Variants in ATXN3 observed in about 807,000 individuals in gnomAD.
ATXN3 encodes the protein ataxin-3.
A neutral mutation model predicts 58.2 loss-of-function variants in ATXN3; 28 were observed. That is an observed-to-expected ratio of 0.48 (90% confidence interval 0.36 to 0.66). ATXN3 has a LOEUF of 0.66. Among genes scored for constraint, ATXN3 ranks in the 30% least tolerant of loss-of-function variants. The pLI is 0.00. For synonymous variants in ATXN3, 113 were observed against 138.5 expected (o/e 0.82, Z 1.29); for missense variants, 321 against 422.1 (o/e 0.76, Z 2.10).
intron 3 of ATXN3, 72 bp downstream of exon 3, chr14:92,096,021 G>A (rs2065147304): frequency 8.2e-7 from 1 of 1,222,156 alleles, no homozygotes; most frequent in East Asian, 2.3e-5. Flanking sequence ...CCTTGTTACA[G>A]TGACTATTGA....
Position 92,060,708 on chromosome 14 carries a change from A to G in ATXN3, c.*3612T>C, listed in dbSNP as rs193285351. The G allele has an allele frequency of 6.6e-6, 1 of 150,950 alleles. No homozygotes were observed. The highest frequency in any genetic ancestry group is 1.5e-5 in the Non-Finnish European group (1 of 67,926). 9.4% of individuals were successfully genotyped at this position (150,950 alleles called of 1,614,324 possible). On this transcript the variant is annotated 3_prime_UTR_variant, in exon 11 of 11. Transcript: ENST00000644486. Reference sequence around the variant, plus strand: ...CAGGTCCAATGGGCCGGTTTTAAGAATTTAGTAGCTCTTGGCACTAGCATG... The same window carrying G: ...CAGGTCCAATGGGCCGGTTTTAAGAGTTTAGTAGCTCTTGGCACTAGCATG...
chr14:92,066,452 T>C (rs973730769), intron 10 of ATXN3, among the ~76,000 whole-genome samples: 2 of 139,896 alleles, frequency 1.4e-5, no homozygotes, highest in African/African-American at 2.8e-5. Flanking sequence ...GTTCCAAAAT[T>C]ACTTCTTTTA....
chr14:92,065,027 T>C (rs764014420), intron 10 of ATXN3, among the ~76,000 whole-genome samples: 1 of 152,234 alleles, frequency 6.6e-6, no homozygotes, highest in Admixed American at 6.5e-5. Context: ...CGTGTATTCA[T>C]GTAACCACCA....
rs2057708221 is a variant in ATXN3, at chr14:92,060,581, T to C, written c.*3739A>G. 1 of 152,018 alleles carries C rather than the reference T, an allele frequency of 6.6e-6. No homozygotes were observed. Among genetic ancestry groups the C allele is most frequent in the Non-Finnish European group, 1.5e-5 (1 of 68,012 alleles). 9.4% of individuals were successfully genotyped at this position (152,018 alleles called of 1,614,324 possible). A position where few individuals can be genotyped will look rare whatever the true frequency, so the allele number is the denominator to read the frequency against. The stretch of plus-strand genomic sequence containing the variant: ...GCCGGGAGATCATCAATATTAACTA[T>C]TGAATCCTCGTAAGAATTTAAAACA... On this transcript the variant is annotated 3_prime_UTR_variant, in exon 11 of 11. Transcript: ENST00000644486.
rs1354597980 is a variant in ATXN3 at position 92,064,425 on chromosome 14, A to T, written c.992-11T>A. On this transcript the variant is annotated splice_polypyrimidine_tract_variant and intron_variant, in intron 10 of 10. Transcript: ENST00000644486. ...CACTCATAGCATCACCTGTTGGGAA[A>T]CAAAACCACATTTCTTTAAAATTTC... 6.3e-7 allele frequency: 1 copy of T among 1,578,288 alleles called. No individual in the cohort carries two copies. Among genetic ancestry groups the T allele is most frequent in the South Asian group, 1.2e-5 (1 of 85,864 alleles).
In ATXN3 at chr14:92,081,076, C is replaced by A. The variant is rs543752947; in HGVS notation, c.776-15G>T. On this transcript the variant is annotated splice_polypyrimidine_tract_variant and intron_variant, in intron 8 of 10. Coordinates refer to ENST00000644486, the MANE Select transcript of ATXN3 (RefSeq NM_004993.6). ...TCTGGAACTACCTGAAAACAAAACA[C>A]AACACAACAAAAACCAATCACTGTA... 5.3e-6 allele frequency: 8 copies of A among 1,523,640 alleles called. No individual in the cohort carries two copies. In the South Asian group the frequency reaches 9.0e-5, roughly 17 times the overall value. The allele number at this position is 1,523,640 out of a possible 1,614,324, so 94.4% of individuals were successfully genotyped here. A position where few individuals can be genotyped will look rare whatever the true frequency, so the allele number is the denominator to read the frequency against.
At chr14:92,088,292 G>A (rs1595837697) in intron 6 of ATXN3, among the ~76,000 whole-genome samples, 1 of 152,010 alleles carries the variant, frequency 6.6e-6, no homozygotes, top group Admixed American at 6.6e-5. Context: ...GGATGGTCTC[G>A]ATCTCCTGAC....
chr14:92,105,792 C>A (rs2068156884), intron 1 of ATXN3, among the ~76,000 whole-genome samples: 1 of 152,186 alleles, frequency 6.6e-6, no homozygotes, highest in Non-Finnish European at 1.5e-5. Flanking sequence ...CAGACTACAA[C>A]AAAATCATCC....
rs201691672 is a variant in ATXN3, at chr14:92,060,233, CATATATATAT to C, written c.*4077_*4086del. The C allele has an allele frequency of 7.3e-6, 1 of 136,254 alleles. No homozygotes were observed. The highest frequency in any genetic ancestry group is 2.9e-5 in the African/African-American group (1 of 34,652). The allele number at this position is 136,254 out of a possible 1,614,324, so 8.4% of individuals were successfully genotyped here. On this transcript the variant is annotated 3_prime_UTR_variant, in exon 11 of 11. Coordinates refer to ENST00000644486, the MANE Select transcript of ATXN3 (RefSeq NM_004993.6). ...TTTAATAGGAAGTCATATATATATA[CATATATATAT>C]ACACACATATATATATATATATATA...
At chr14:92,056,421 ATAT>A (rs896790402), downstream of ATXN3, among the ~76,000 whole-genome samples, 61 of 152,250 alleles carry the variant, frequency 4.0e-4, no homozygotes, top group African/African-American at 1.3e-3. Flanking sequence ...ATACAATGGA[ATAT>A]TATTCAGTTT....
Position 92,096,127 on chromosome 14 carries a change from C to A in ATXN3, c.200G>T (p.Gly67Val), listed in dbSNP as rs773405950. 1.7e-5 allele frequency: 28 copies of A among 1,604,430 alleles called. No individual in the cohort carries two copies. Among genetic ancestry groups the A allele is most frequent in the Non-Finnish European group, 2.2e-5 (26 of 1,176,562 alleles). ...DYRTFLQQPSGNMDDSGFFSI... is the reference protein window; with the variant it reads ...DYRTFLQQPSVNMDDSGFFSI... ...GAAAAAACCACTGTCATCCATATTT[C>A]CAGAAGGCTGCTGTTAATTTTGACA... is the stretch of plus-strand genomic sequence containing the variant. The change falls in exon 3 of 11, where the codon GGA (glycine) becomes GTA (valine). Residue 67 changes from glycine (G) to valine (V), a missense_variant. Coordinates refer to ENST00000644486, the MANE Select transcript of ATXN3 (RefSeq NM_004993.6).
chr14:92,056,456 C>T (rs1469021766), downstream of ATXN3, among the ~76,000 whole-genome samples: 2 of 152,032 alleles, frequency 1.3e-5, no homozygotes, highest in African/African-American at 2.4e-5. Context: ...AAAATTTGGA[C>T]GTATGCTACA....
chr14:92,065,989 T>C (rs977241550), intron 10 of ATXN3, among the ~76,000 whole-genome samples: 5 of 152,060 alleles, frequency 3.3e-5, no homozygotes, highest in African/African-American at 9.7e-5. Flanking sequence ...TTTTTGACTG[T>C]GCAGCATTGC....
At chr14:92,094,041 T>C (rs962724639) in intron 3 of ATXN3, among the ~76,000 whole-genome samples, 7 of 151,588 alleles carry the variant, frequency 4.6e-5, no homozygotes, top group Non-Finnish European at 1.0e-4. Context: ...CCTCCCAGGT[T>C]CAAGCGATTC....
At chr14:92,064,717 C>T (rs2058069770) in intron 10 of ATXN3, among the ~76,000 whole-genome samples, 3 of 152,116 alleles carry the variant, frequency 2.0e-5, no homozygotes, top group Admixed American at 1.3e-4. Context: ...TTTTCCTGCA[C>T]GTCATATAAA....
chr14:92,058,127 T>C (rs186088509), downstream of ATXN3, among the ~76,000 whole-genome samples: 30 of 152,328 alleles, frequency 2.0e-4, no homozygotes, highest in Middle Eastern at 3.4e-3. Flanking sequence ...TAAGCTGGAA[T>C]AGAATATCAA....
intron 5 of ATXN3, among the ~76,000 whole-genome samples, 185 bp downstream of exon 5, chr14:92,093,067 A>AT (rs11340209): frequency 1.3e-3 from 188 of 140,692 alleles, no homozygotes; most frequent in Non-Finnish European, 2.4e-3. Flanking sequence ...TTTTATTTTT[A>AT]TTTTTTTTTT....
chr14:92,076,039 A>T (rs17127915), intron 9 of ATXN3, among the ~76,000 whole-genome samples: 20,648 of 152,246 alleles, frequency 0.14, 1,611 homozygotes, highest in African/African-American at 0.22. Context: ...CATTTTTAAA[A>T]GGGTACAAGG....
downstream of ATXN3, among the ~76,000 whole-genome samples, chr14:92,055,414 A>G (rs956520129): frequency 1.3e-5 from 2 of 152,166 alleles, no homozygotes; most frequent in Non-Finnish European, 2.9e-5. This position sits in a 1 kb window ranked among gnomAD's most constrained non-coding sequence, Gnocchi z 4.5. Flanking sequence ...ACCGGCATTA[A>G]GTACATTCAC....
Sources: gnomAD v4.1 joint callset for allele counts (sites outside exome capture counted in the v4.1 genomes callset) on GRCh38, gnomAD v4.1.1 for gene constraint, Gnocchi (gnomAD v3.1) non-coding constraint, MANE v1.5 for transcripts, NCBI Gene and HGNC (gene_info 2026-07-23, HGNC 2026-07-21) for gene names.